LRRFIP1: variants seen among roughly 807,000 people sequenced by gnomAD.
LRRFIP1 encodes the protein leucine-rich repeat flightless-interacting protein 1.
A neutral mutation model predicts 104.4 loss-of-function variants in LRRFIP1; 62 were observed. That is an observed-to-expected ratio of 0.59 (90% CI 0.48 to 0.73). The LOEUF (loss-of-function observed/expected upper bound fraction) is 0.73, where lower values mean the gene tolerates loss of function less well. Among genes scored for constraint, LRRFIP1 ranks in the 30% least tolerant of loss-of-function variants. The probability of loss-of-function intolerance (pLI) is 0.00; values close to 1 mark genes in which losing one functional copy is unlikely to be tolerated. For synonymous variants in LRRFIP1, 300 were observed against 299.0 expected, an observed-to-expected ratio of 1.00 and a Z score of -0.03; for missense variants, 796 against 824.5, an observed-to-expected ratio of 0.97 and a Z score of 0.42.
At position 237,717,773 on chromosome 2, in the gene LRRFIP1, G is replaced by A. The variant is rs781087188; in HGVS notation, c.213G>A (p.Gly71=). ...CCTTCTGTCTATAGAAATATTATGG[G>A]CTGGATACAAAATGGGGTGACATCG... ...EIYQVQKKYY[G]LDTKWGDIEQ... The change falls in exon 4 of 24, where the codon GGG becomes GGA. Residue 71 remains glycine, a synonymous_variant. Coordinates refer to ENST00000308482, the MANE Select transcript of LRRFIP1 (RefSeq NM_001137550.2). This position sits in a 1 kb window ranked among gnomAD's most constrained non-coding sequence, Gnocchi z 4.2. The A allele has an allele frequency of 2.5e-6, 4 of 1,612,706 alleles. No homozygotes were observed. Among genetic ancestry groups the A allele is most frequent in the Admixed American group, 1.7e-5 (1 of 60,022 alleles).
rs766275605 is a variant in LRRFIP1, at chr2:237,760,185, C to T, written c.1439C>T (p.Ser480Leu). Reference sequence around the variant, plus strand: ...AAAGAAGAGTTAAATGCCCTCAAGTCGACAGGGGATGGGACCCTAGGTAAG... The same window carrying T: ...AAAGAAGAGTTAAATGCCCTCAAGTTGACAGGGGATGGGACCCTAGGTAAG... ...MTKEELNALK[S>L]TGDGTLDIRL... The change falls in exon 19 of 24, where the codon TCG (serine) becomes TTG (leucine). Residue 480 changes from serine (S) to leucine (L), a missense_variant. Physicochemically the swap from Ser to Leu is moderately radical, Grantham distance 145. Transcript: ENST00000308482. 34 of 1,614,022 alleles carry T rather than the reference C, an allele frequency of 2.1e-5. No individual in the cohort carries two copies. Among genetic ancestry groups the T allele is most frequent in the South Asian group, 1.5e-4 (14 of 91,086 alleles).
At chr2:237,680,351 A>G (rs1371406796) in intron 1 of LRRFIP1, among the ~76,000 whole-genome samples, 2 of 152,058 alleles carry the variant, frequency 1.3e-5, no homozygotes, top group African/African-American at 2.4e-5. Context: ...AAATATTTGG[A>G]AAAAAAATGG....
chr2:237,751,315 TAACTTAA>T, intron 14 of LRRFIP1, 44 bp downstream of exon 14: 1 of 1,433,384 alleles, frequency 7.0e-7, no homozygotes, highest in Non-Finnish European at 9.5e-7. Flanking sequence ...TAACCCAACT[TAACTTAA>T]AAAAAAAAAC....
At chr2:237,713,815 G>A (rs1203262837) in intron 2 of LRRFIP1, among the ~76,000 whole-genome samples, 1 of 152,156 alleles carries the variant, frequency 6.6e-6, no homozygotes, top group Admixed American at 6.5e-5. Flanking sequence ...TATTCTGTGT[G>A]TGTCTGTGTG....
intron 1 of LRRFIP1, among the ~76,000 whole-genome samples, chr2:237,697,811 C>T (rs1442028271): frequency 6.6e-6 from 1 of 152,080 alleles, no homozygotes; most frequent in Non-Finnish European, 1.5e-5. Flanking sequence ...GGAGGCCCAG[C>T]CGCCCTCGCC....
chr2:237,699,533 G>A (rs1553644054), intron 1 of LRRFIP1, among the ~76,000 whole-genome samples: 1 of 151,980 alleles, frequency 6.6e-6, no homozygotes, highest in Non-Finnish European at 1.5e-5. Context: ...TGTATTTTTA[G>A]TAGAGATGGG....
chr2:237,697,693 CTG>C (rs1375465131), intron 1 of LRRFIP1, among the ~76,000 whole-genome samples: 1 of 152,114 alleles, frequency 6.6e-6, no homozygotes, highest in East Asian at 1.9e-4. Flanking sequence ...CCCTAGAGGT[CTG>C]GGGTTTGTAG....
At chr2:237,659,646 A>T (rs970667201) in intron 1 of LRRFIP1, among the ~76,000 whole-genome samples, 2 of 148,298 alleles carry the variant, frequency 1.3e-5, no homozygotes, top group Non-Finnish European at 3.0e-5. Flanking sequence ...TATACATATA[A>T]ATATATATAT....
In LRRFIP1 at chr2:237,711,943, C is replaced by G. The variant is rs6711311; in HGVS notation, c.184-2316C>G. 0.032 allele frequency among the ~76,000 whole-genome samples: 4,864 copies of G among 152,276 alleles called. 235 individuals carry two copies. Among genetic ancestry groups the G allele is most frequent in the African/African-American group, 0.1 (4,180 of 41,554 alleles). ...GCGGCAACGGTGCCTTCATGAATTT[C>G]GGGTCTTTGCAAGGCGGCAGCATTC... On this transcript the variant is annotated intron_variant, in intron 2 of 23. Coordinates refer to ENST00000308482, the MANE Select transcript of LRRFIP1 (RefSeq NM_001137550.2). The surrounding 1 kb of genome is among the most constrained non-coding windows in gnomAD (Gnocchi z 4.4).
At chr2:237,689,720 G>A (rs1237817261) in intron 1 of LRRFIP1, among the ~76,000 whole-genome samples, 2 of 152,192 alleles carry the variant, frequency 1.3e-5, no homozygotes, top group Admixed American at 6.5e-5. Context: ...TATGGAGGAG[G>A]AGGAGGAGGC....
intron 1 of LRRFIP1, among the ~76,000 whole-genome samples, chr2:237,642,485 G>A (rs918867657): frequency 2.0e-5 from 3 of 147,756 alleles, no homozygotes; most frequent in Admixed American, 6.7e-5. Flanking sequence ...TTCAGGTTCC[G>A]GGTTCCAGGC....
Position 237,774,379 on chromosome 2 carries a change from G to T in LRRFIP1, c.1729G>T (p.Val577Leu), listed in dbSNP as rs764312197. 8 of 1,612,976 alleles carry T rather than the reference G, an allele frequency of 5.0e-6. No individual in the cohort carries two copies. The highest frequency in any genetic ancestry group is 6.8e-6 in the Non-Finnish European group (8 of 1,179,068). Residue 577 changes from valine (V) to leucine (L), a missense_variant, in exon 23 of 24, where the codon GTA (valine) becomes TTA (leucine). Coordinates refer to ENST00000308482, the MANE Select transcript of LRRFIP1 (RefSeq NM_001137550.2). ...EQNVIRLESQ[V>L]SRYKSAAENA... is the part of the protein sequence containing the mutation. ...TTAGGTAATAAGGTTAGAGAGTCAAGTATCACGTTACAAATCAGCGGCTGA... is the reference window on the plus strand; with the variant it reads ...TTAGGTAATAAGGTTAGAGAGTCAATTATCACGTTACAAATCAGCGGCTGA...
chr2:237,763,945 A>C, intron 19 of LRRFIP1: 1 of 1,614,258 alleles, frequency 6.2e-7, no homozygotes, highest in Non-Finnish European at 8.5e-7. Context: ...CCTGTGAAGC[A>C]GAAAGTACAG....
At chr2:237,662,306 C>G (rs1007719096) in intron 1 of LRRFIP1, among the ~76,000 whole-genome samples, 1 of 152,166 alleles carries the variant, frequency 6.6e-6, no homozygotes, top group Non-Finnish European at 1.5e-5. Flanking sequence ...CTCATCTTAA[C>G]TTGATTGTAC....
chr2:237,629,809 G>A (rs549149666), intron 1 of LRRFIP1, among the ~76,000 whole-genome samples: 1 of 152,264 alleles, frequency 6.6e-6, no homozygotes, highest in South Asian at 2.1e-4. Flanking sequence ...GAAAAGGAAG[G>A]CAAGGGAACA....
Position 237,708,552 on chromosome 2 carries a change from C to T in LRRFIP1, c.105C>T (p.Ala35=). 1 of 1,576,506 alleles carries T rather than the reference C, an allele frequency of 6.3e-7. No homozygotes were observed. The highest frequency in any genetic ancestry group is 1.2e-5 in the South Asian group (1 of 84,548). ...ALNQIAREAE[A]RLAAKRAARA... The stretch of plus-strand genomic sequence containing the variant: ...TGCCCTGTCCGTTTCAGGCGGAAGC[C>T]CGGCTCGCTGCAAAACGGGCGGCCC... The change falls in exon 2 of 24, where the codon GCC becomes GCT. Residue 35 remains alanine, a synonymous_variant. Transcript: ENST00000308482.
chr2:237,655,592 G>A (rs2086683035), intron 1 of LRRFIP1, among the ~76,000 whole-genome samples: 1 of 152,238 alleles, frequency 6.6e-6, no homozygotes, highest in African/African-American at 2.4e-5. Flanking sequence ...TTTGAAGTGA[G>A]TTAGAAAGCA....
rs1427038523 is a variant in LRRFIP1 at position 237,691,487 on chromosome 2, G to A, written c.97-17057G>A. Among the ~76,000 whole-genome samples the A allele has an allele frequency of 6.6e-6, 1 of 152,200 alleles. No individual in the cohort carries two copies. Among genetic ancestry groups the A allele is most frequent in the Non-Finnish European group, 1.5e-5 (1 of 68,024 alleles). On this transcript the variant is annotated intron_variant, in intron 1 of 23. Transcript: ENST00000308482. The surrounding 1 kb of genome is among the most constrained non-coding windows in gnomAD (Gnocchi z 5.4). Reference sequence around the variant, plus strand: ...GTTCTCCCCTGCGGGCCGCCGCACCGGGCCAAGGGGGGCTGTGTGCACGCA... The same window carrying A: ...GTTCTCCCCTGCGGGCCGCCGCACCAGGCCAAGGGGGGCTGTGTGCACGCA...
intron 19 of LRRFIP1, chr2:237,763,905 A>G (rs780730875): frequency 4.3e-6 from 7 of 1,614,154 alleles, no homozygotes; most frequent in African/African-American, 2.7e-5. Flanking sequence ...CTGCCCGAAC[A>G]TGAAAGTCCC....
Sources: allele counts gnomAD v4.1 joint callset (sites outside exome capture counted in the v4.1 genomes callset), GRCh38; gene constraint gnomAD v4.1.1; non-coding constraint Gnocchi (gnomAD v3.1); transcripts MANE v1.5; gene names NCBI Gene and HGNC (gene_info 2026-07-23, HGNC 2026-07-21).